The following ABHD3 variants were observed in gnomAD, a reference collection of about 807,000 sequenced individuals.
The protein encoded by ABHD3 is phospholipase ABHD3.
ABHD3 carries 46 observed loss-of-function variants against 48.8 expected under a neutral mutation model. That is an observed-to-expected ratio of 0.94 (90% CI 0.74 to 1.20). ABHD3 has a LOEUF of 1.20. Ranked by LOEUF, ABHD3 falls within the 50% of genes most tolerant of loss-of-function variation. The pLI is 0.00. For synonymous variants in ABHD3, 192 were observed against 183.7 expected, an observed-to-expected ratio of 1.04 and a Z score of -0.36; for missense variants, 490 against 497.8, an observed-to-expected ratio of 0.98 and a Z score of 0.15.
rs576647958 is a variant in ABHD3 at position 21,683,927 on chromosome 18, T to G, written c.548A>C (p.Asn183Thr). Residue 183 changes from asparagine (N) to threonine (T), a missense_variant, in exon 4 of 9, where the codon AAT (asparagine) becomes ACT (threonine). By Grantham distance (65) the Asn-to-Thr change is moderately conservative (BLOSUM62 0). Coordinates refer to ENST00000289119, the MANE Select transcript of ABHD3 (RefSeq NM_138340.5). ...TCATTTAAATTTACTTACCAAGAGA[T>G]TCTCCCCCGCCACTCCTCTGTTGTT... ...VFNNRGVAGE[N>T]LLTPRTYCCA... 6.3e-7 allele frequency: 1 copy of G among 1,595,802 alleles called. No homozygotes were observed.
chr18:21,657,267 A>C, intron 6 of ABHD3, 115 bp from the exon 7 acceptor site: 3 of 855,490 alleles, frequency 3.5e-6, no homozygotes, highest in Non-Finnish European at 5.3e-6. Flanking sequence ...GTTGGCACTC[A>C]ATAAATATTT....
chr18:21,691,721 TG>T (rs1413504916), intron 3 of ABHD3, among the ~76,000 whole-genome samples: 2 of 152,230 alleles, frequency 1.3e-5, no homozygotes, highest in East Asian at 3.8e-4. Context: ...ATGATTTATT[TG>T]CCTGTCATGT....
At chr18:21,665,588 A>C (rs541924706) in intron 4 of ABHD3, among the ~76,000 whole-genome samples, 69 of 152,176 alleles carry the variant, frequency 4.5e-4, no homozygotes, top group African/African-American at 1.7e-3. Flanking sequence ...AGGCCAAGGC[A>C]GGTGGATCAT....
intron 3 of ABHD3, among the ~76,000 whole-genome samples, chr18:21,694,664 C>T (rs1353422241): frequency 6.6e-6 from 1 of 152,212 alleles, no homozygotes; most frequent in African/African-American, 2.4e-5. Flanking sequence ...TTGCCCTCTT[C>T]TAACAACTGT....
rs2040145626 is a variant in ABHD3 at position 21,687,155 on chromosome 18, T to A, written c.510-3190A>T. ...AGCTTGTGAGCTCAAAACAATCCTCTCGTCTTGGCCTCCTGAAGTTCTGGG... is the reference window on the plus strand; with the variant it reads ...AGCTTGTGAGCTCAAAACAATCCTCACGTCTTGGCCTCCTGAAGTTCTGGG... On this transcript the variant is annotated intron_variant, in intron 3 of 8. Coordinates refer to ENST00000289119, the MANE Select transcript of ABHD3 (RefSeq NM_138340.5). 4.6e-5 allele frequency among the ~76,000 whole-genome samples: 7 copies of A among 152,140 alleles called. 1 individual carries two copies. In the South Asian group the frequency reaches 1.5e-3, roughly 32 times the overall value.
chr18:21,676,698 G>GGCTGACATTCTATTAAGTTC (rs2039891753), intron 4 of ABHD3, among the ~76,000 whole-genome samples: 1 of 152,150 alleles, frequency 6.6e-6, no homozygotes, highest in African/African-American at 2.4e-5. Context: ...GCCTTAAGTT[G>GGCTGACATTCTATTAAGTTC]GCTGACATTC....
chr18:21,677,509 T>G (rs998396558), intron 4 of ABHD3, among the ~76,000 whole-genome samples: 1 of 151,952 alleles, frequency 6.6e-6, no homozygotes, highest in Non-Finnish European at 1.5e-5. Context: ...CCCAGCCGAC[T>G]TCATTCCTTT....
intron 5 of ABHD3, among the ~76,000 whole-genome samples, chr18:21,662,933 C>T (rs1031502114): frequency 2.0e-5 from 3 of 152,196 alleles, no homozygotes; most frequent in African/African-American, 7.2e-5. Context: ...TCAGCTCTCA[C>T]CCAGTCCTTT....
Position 21,675,425 on chromosome 18 carries a change from C to T in ABHD3, c.555+8495G>A, listed in dbSNP as rs182664121. On this transcript the variant is annotated intron_variant, in intron 4 of 8. Transcript: ENST00000289119. ...CTGGGACTACAGGCGCCTGTTGCCA[C>T]GCCCAGCTAATTTTTGTGTTTTTAG... 2.8e-3 allele frequency among the ~76,000 whole-genome samples: 420 copies of T among 151,966 alleles called. 1 individual carries two copies. The highest frequency in any genetic ancestry group is 5.2e-3 in the Non-Finnish European group (350 of 67,960).
chr18:21,656,900 A>G lies in ABHD3; in HGVS notation c.1018T>C (p.Cys340Arg). 6.2e-7 allele frequency: 1 copy of G among 1,611,420 alleles called. No homozygotes were observed. Among genetic ancestry groups the G allele is most frequent in the Non-Finnish European group, 8.5e-7 (1 of 1,178,130 alleles). ...RLKSVGIPVL[C>R]LNSVDDVFSP... ...AAAACATCATCCACAGAATTTAGAC[A>G]CAATACTGGAATTCCTACTGACTTC... The change falls in exon 8 of 9, where the codon TGT becomes CGT. Residue 340 changes from cysteine to arginine, a missense_variant. Transcript: ENST00000289119.
At chr18:21,670,980 C>T (rs1318489174) in intron 4 of ABHD3, among the ~76,000 whole-genome samples, 1 of 152,140 alleles carries the variant, frequency 6.6e-6, no homozygotes, top group Non-Finnish European at 1.5e-5. Flanking sequence ...TGCCACTGTA[C>T]TCCAGCCTGG....
At chr18:21,674,282 C>T (rs2039825718) in intron 4 of ABHD3, among the ~76,000 whole-genome samples, 1 of 150,476 alleles carries the variant, frequency 6.6e-6, no homozygotes, top group South Asian at 2.1e-4. Context: ...TGCTCTGTTG[C>T]CCAGGCTGCA....
intron 1 of ABHD3, among the ~76,000 whole-genome samples, chr18:21,704,052 C>G (rs1263357692): frequency 1.3e-5 from 2 of 152,218 alleles, no homozygotes; most frequent in African/African-American, 4.8e-5. Context: ...CCACCACGCC[C>G]GGCTAATTTT....
At chr18:21,670,301 C>T (rs1180902385) in intron 4 of ABHD3, among the ~76,000 whole-genome samples, 1 of 152,112 alleles carries the variant, frequency 6.6e-6, no homozygotes, top group Non-Finnish European at 1.5e-5. Flanking sequence ...GATGTAGCAC[C>T]AGCTGTCTTT....
intron 4 of ABHD3, among the ~76,000 whole-genome samples, chr18:21,669,617 T>C (rs1164573277): frequency 6.6e-6 from 1 of 152,186 alleles, no homozygotes; most frequent in Non-Finnish European, 1.5e-5. Flanking sequence ...TGCCCTGTAA[T>C]GTTCTACCAG....
chr18:21,700,854 ACCAGGCTGGGAGCATT>A (rs2040494135), intron 3 of ABHD3, among the ~76,000 whole-genome samples: 38 of 144,314 alleles, frequency 2.6e-4, no homozygotes, highest in African/African-American at 8.3e-4. Flanking sequence ...AAAAAATGGA[ACCAGGCTGGGAGCATT>A]AACTCACGCC....
chr18:21,652,340 G>T (rs1272292728), intron 8 of ABHD3, among the ~76,000 whole-genome samples: 3 of 149,532 alleles, frequency 2.0e-5, no homozygotes, highest in Admixed American at 6.7e-5. Flanking sequence ...AGAAAGAAAA[G>T]AAAGGACAGG....
chr18:21,694,484 T>A (rs1202294966), intron 3 of ABHD3, among the ~76,000 whole-genome samples: 1 of 152,188 alleles, frequency 6.6e-6, no homozygotes, highest in Non-Finnish European at 1.5e-5. Flanking sequence ...AACGGTGACA[T>A]CCTTGCTACC....
chr18:21,656,852 TA>T lies in ABHD3; in HGVS notation c.1057+8del. On this transcript the variant is annotated splice_region_variant and intron_variant, in intron 8 of 8. Transcript: ENST00000289119. ...CATGTCAAAATATATACAAATATGT[TA>T]ATTTTACCATGACTGGGTGAGAAAA... is the stretch of plus-strand genomic sequence containing the variant. The T allele has an allele frequency of 6.4e-7, 1 of 1,574,544 alleles. No individual in the cohort carries two copies. The highest frequency in any genetic ancestry group is 1.2e-5 in the South Asian group (1 of 85,536).
Sources: allele counts gnomAD v4.1 joint callset (sites outside exome capture counted in the v4.1 genomes callset), GRCh38; gene constraint gnomAD v4.1.1; transcripts MANE v1.5; gene names NCBI Gene and HGNC (gene_info 2026-07-23, HGNC 2026-07-21).